POLR3A: variants seen among roughly 807,000 people sequenced by gnomAD.
POLR3A encodes the protein RNA polymerase III subunit A.
Under a neutral mutation model 152.8 loss-of-function variants are expected in POLR3A, and 112 were observed. The observed-to-expected ratio is 0.73, with a 90% CI of 0.63 to 0.86. The LOEUF is 0.86. POLR3A is among the 40% of genes least tolerant of loss of function. The pLI, the probability that POLR3A is intolerant of heterozygous loss-of-function variation, is 0.00. For synonymous variants in POLR3A, 615 were observed against 652.1 expected (o/e 0.94, Z 0.87); for missense variants, 1,385 against 1,743.1 (o/e 0.79, Z 3.66).
chr10:78,011,068 G>A lies in POLR3A; in HGVS notation c.1573-528C>T, dbSNP rs548540002. ...TTACTTTGTTGCCCAGACTGGTCTCGAACTCCTGGGCTCAACTGATCCTCC... is the reference window on the plus strand; with the variant it reads ...TTACTTTGTTGCCCAGACTGGTCTCAAACTCCTGGGCTCAACTGATCCTCC... On this transcript the variant is annotated intron_variant, in intron 11 of 30. Coordinates refer to ENST00000372371, the MANE Select transcript of POLR3A (RefSeq NM_007055.4). 1.3e-4 allele frequency among the ~76,000 whole-genome samples: 20 copies of A among 152,048 alleles called. No homozygotes were observed. In the South Asian group the frequency reaches 4.2e-3, roughly 32 times the overall value.
At chr10:77,978,660 GT>G (rs1349193901) in intron 30 of POLR3A, among the ~76,000 whole-genome samples, 5,442 of 135,646 alleles carry the variant, frequency 0.04, 254 homozygotes, top group African/African-American at 0.14. Flanking sequence ...CTTCATGCTA[GT>G]TTTTTTTTTT....
rs1238936313 is a variant in POLR3A, at chr10:78,025,691, A to T, written c.249T>A (p.Tyr83Ter). The T allele has an allele frequency of 6.2e-7, 1 of 1,613,824 alleles. No individual in the cohort carries two copies. The highest frequency in any genetic ancestry group is 8.5e-7 in the Non-Finnish European group (1 of 1,179,866). The change falls in exon 3 of 31, where the codon TAT becomes TAA. Residue 83 changes from tyrosine (Y) to a stop codon, truncating the protein, a stop_gained. Coordinates refer to ENST00000372371, the MANE Select transcript of POLR3A (RefSeq NM_007055.4). LOFTEE classifies it high-confidence loss of function. ...ACGGCAACTCCAGGTCGATATACCC[A>T]TAGTGGCCTAGACAGTCAGCCAAGT... ...GKNLADCLGHYGYIDLELPCF... is the reference protein window; with the variant it reads ...GKNLADCLGH
intron 19 of POLR3A, among the ~76,000 whole-genome samples, chr10:77,998,659 T>C (rs1243483430): frequency 1.3e-5 from 2 of 152,146 alleles, no homozygotes; most frequent in African/African-American, 4.8e-5. Flanking sequence ...CAACAGGAGC[T>C]GGAGAGGATG....
rs1847669377 is a variant in POLR3A, at chr10:78,029,397, T to C, written c.11A>G (p.Glu4Gly). The part of the protein sequence containing the change: MVK[E>G]QFRETDVAKK... ...GGCCACATCCGTCTCCCGGAACTGC[T>C]CCTTCACCATGATGACCGCTGCCGG... Residue 4 changes from glutamate (E) to glycine (G), a missense_variant, in exon 1 of 31, where the codon GAG becomes GGG. By Grantham distance (98) the Glu-to-Gly change is moderately conservative. Coordinates refer to ENST00000372371, the MANE Select transcript of POLR3A (RefSeq NM_007055.4). 1 of 1,613,940 alleles carries C rather than the reference T, an allele frequency of 6.2e-7. No individual in the cohort carries two copies.
At chr10:78,013,932 G>A in intron 10 of POLR3A, 142 bp from the exon 11 acceptor site, 1 of 934,308 alleles carries the variant, frequency 1.1e-6, no homozygotes, top group Non-Finnish European at 1.7e-6. Context: ...GTTCTGTCAA[G>A]TGATATATAT....
At chr10:77,981,693 T>C (rs1589302541) in intron 28 of POLR3A, 134 bp from the exon 29 acceptor site, 1 of 1,121,270 alleles carries the variant, frequency 8.9e-7, no homozygotes, top group East Asian at 2.4e-5. Context: ...CTGGGCAATT[T>C]TCAGTTGCAG....
intron 11 of POLR3A, among the ~76,000 whole-genome samples, chr10:78,010,816 A>G (rs1847459918): frequency 6.6e-6 from 1 of 152,174 alleles, no homozygotes; most frequent in Non-Finnish European, 1.5e-5. Flanking sequence ...TCAGAATTCT[A>G]TGAAAAACTC....
intron 9 of POLR3A, among the ~76,000 whole-genome samples, chr10:78,018,189 A>C (rs1044460145): frequency 3.3e-5 from 5 of 149,750 alleles, no homozygotes; most frequent in African/African-American, 5.0e-5. Flanking sequence ...AAAAAAAAAA[A>C]CCATGATAAA....
At chr10:78,011,434 A>C (rs1847465660) in intron 11 of POLR3A, among the ~76,000 whole-genome samples, 1 of 152,194 alleles carries the variant, frequency 6.6e-6, no homozygotes, top group South Asian at 2.1e-4. Context: ...CATTTGCTCT[A>C]ATCTTGATAT....
chr10:78,014,833 C>T (rs1397312009), intron 10 of POLR3A, among the ~76,000 whole-genome samples: 2 of 152,180 alleles, frequency 1.3e-5, no homozygotes, highest in South Asian at 4.1e-4. Flanking sequence ...TTATGAGCTG[C>T]ACCTCTGGGC....
chr10:77,999,306 A>C (rs1277731565), intron 19 of POLR3A, among the ~76,000 whole-genome samples: 1 of 152,206 alleles, frequency 6.6e-6, no homozygotes, highest in African/African-American at 2.4e-5. Context: ...AATAATAATA[A>C]AATTAAAAAA....
intron 10 of POLR3A, 50 bp from the exon 11 acceptor site, chr10:78,013,840 C>A: frequency 6.2e-7 from 1 of 1,612,134 alleles, no homozygotes; most frequent in Non-Finnish European, 8.5e-7. Flanking sequence ...AGGCATTTAT[C>A]CAAAAGCTTC....
Position 77,978,012 on chromosome 10 carries a change from T to C in POLR3A, c.4025-386A>G, listed in dbSNP as rs539575379. Among the ~76,000 whole-genome samples, 17 of 152,258 alleles carry C rather than the reference T, an allele frequency of 1.1e-4. No individual in the cohort carries two copies. The South Asian group carries it at 3.5e-3, about 32-fold the overall frequency. On this transcript the variant is annotated intron_variant, in intron 30 of 30. Coordinates refer to ENST00000372371, the MANE Select transcript of POLR3A (RefSeq NM_007055.4). ...TTTGCCACCCAGTGCTTCCTTAACT[T>C]AGAGCCTCCAAGAAAAGCAAACAAC... is the stretch of plus-strand genomic sequence containing the variant.
intron 21 of POLR3A, among the ~76,000 whole-genome samples, chr10:77,989,980 C>T (rs1053528123): frequency 8.5e-5 from 13 of 152,156 alleles, no homozygotes; most frequent in African/African-American, 2.7e-4. Context: ...ACACAAGAAG[C>T]GAGGAGCTTC....
intron 8 of POLR3A, among the ~76,000 whole-genome samples, chr10:78,021,320 T>C (rs1847577046): frequency 6.6e-6 from 1 of 151,968 alleles, no homozygotes; most frequent in Non-Finnish European, 1.5e-5. Context: ...TATATATGAG[T>C]AAATACACAT....
Position 78,003,281 on chromosome 10 carries a change from G to C in POLR3A, c.2248-973C>G, listed in dbSNP as rs1847374661. Among the ~76,000 whole-genome samples, 8 of 152,292 alleles carry C rather than the reference G, an allele frequency of 5.3e-5. No homozygotes were observed. The South Asian group carries it at 1.7e-3, about 32-fold the overall frequency. On this transcript the variant is annotated intron_variant, in intron 16 of 30. Coordinates refer to ENST00000372371, the MANE Select transcript of POLR3A (RefSeq NM_007055.4). ...CAGTAAGATTAAGAATGAGCTAATGGTAAATACCTCACAAAATTCTGGTTT... is the reference window on the plus strand; with the variant it reads ...CAGTAAGATTAAGAATGAGCTAATGCTAAATACCTCACAAAATTCTGGTTT...
chr10:77,986,231 C>T (rs1847197291), intron 21 of POLR3A, 72 bp from the exon 22 acceptor site: 2 of 843,198 alleles, frequency 2.4e-6, no homozygotes, highest in South Asian at 1.3e-5. Flanking sequence ...ATTTCATAAA[C>T]CTCAGTTGTA....
rs1354992546 is a variant in POLR3A at position 78,009,549 on chromosome 10, C to G, written c.1897G>C (p.Ala633Pro). Residue 633 changes from alanine (A) to proline (P), a missense_variant, in exon 14 of 31, where the codon GCC (alanine) becomes CCC (proline). Around this residue, in one of 7 missense-constraint regions of POLR3A, gnomAD observed 188 missense variants for 179.9 expected, o/e 1.04. Coordinates refer to ENST00000372371, the MANE Select transcript of POLR3A (RefSeq NM_007055.4). ...TCCGTCCACTCACAGGAATCATTGGCACAGAGATCTTCCCCTTTGCCACAG... is the reference window on the plus strand; with the variant it reads ...TCCGTCCACTCACAGGAATCATTGGGACAGAGATCTTCCCCTTTGCCACAG... ...QYCGKGEDLC[A>P]NDSYVTIQNS... The G allele has an allele frequency of 6.2e-7, 1 of 1,614,242 alleles. No homozygotes were observed. The highest frequency in any genetic ancestry group is 1.7e-5 in the Admixed American group (1 of 60,024).
At position 78,022,234 on chromosome 10, in the gene POLR3A, C is replaced by T. The variant is rs780437769; in HGVS notation, c.796G>A (p.Val266Ile). The change falls in exon 6 of 31, where the codon GTT (valine) becomes ATT (isoleucine). Residue 266 changes from valine to isoleucine, a missense_variant. Physicochemically the swap from Val to Ile is conservative, Grantham distance 29. Around this residue, in one of 7 missense-constraint regions of POLR3A, gnomAD observed 493 missense variants for 647.5 expected, o/e 0.76. Transcript: ENST00000372371. ...GTGCCAGACTTCAAATCACTCACAACGGAGGGTCTGATACACAAAGGAGGC... is the reference window on the plus strand; with the variant it reads ...GTGCCAGACTTCAAATCACTCACAATGGAGGGTCTGATACACAAAGGAGGC... Reference protein sequence around the residue: ...LVPPLCIRPSVVSDLKSGTNE... With the variant: ...LVPPLCIRPSIVSDLKSGTNE... 19 of 1,614,170 alleles carry T rather than the reference C, an allele frequency of 1.2e-5. No homozygotes were observed. The highest frequency in any genetic ancestry group is 2.2e-5 in the East Asian group (1 of 44,886).
Sources: gnomAD v4.1 joint callset for allele counts (sites outside exome capture counted in the v4.1 genomes callset) on GRCh38, gnomAD v4.1.1 for gene constraint, gnomAD v4.1.1 regional missense constraint, MANE v1.5 for transcripts, NCBI Gene and HGNC (gene_info 2026-07-23, HGNC 2026-07-21) for gene names.